DDX60L: variants seen among roughly 807,000 people sequenced by gnomAD.
DDX60L encodes DExD/H-box 60 like.
Under a neutral mutation model 211.6 loss-of-function variants are expected in DDX60L, and 191 were observed. The ratio of observed to expected loss-of-function variants is 0.90; its 90% CI spans 0.80 to 1.02. DDX60L has a LOEUF of 1.02. Among genes scored for constraint, DDX60L ranks in the 50% least tolerant of loss-of-function variants. DDX60L has a pLI of 0.00. For missense variants in DDX60L, 2,007 were observed against 1,984.1 expected, an observed-to-expected ratio of 1.01 and a Z score of -0.22; for synonymous variants, 706 against 694.1, an observed-to-expected ratio of 1.02 and a Z score of -0.27.
chr4:168,375,265 G>T, intron 34 of DDX60L, 112 bp downstream of exon 34: 1 of 1,139,844 alleles, frequency 8.8e-7, no homozygotes, highest in Non-Finnish European at 1.3e-6. Context: ...TAGTACAGCT[G>T]CCCTGTAATA....
At chr4:168,460,984 AG>A (rs1757248960) in intron 5 of DDX60L, among the ~76,000 whole-genome samples, 2 of 152,218 alleles carry the variant, frequency 1.3e-5, no homozygotes, top group South Asian at 4.1e-4. Flanking sequence ...GTATGAGAAG[AG>A]GGGCAGATGG....
chr4:168,356,902 T>C lies in DDX60L; in HGVS notation c.*1245A>G, dbSNP rs375802906. The C allele has an allele frequency of 6.6e-5, 10 of 152,362 alleles. 1 individual carries two copies. Among genetic ancestry groups the C allele is most frequent in the African/African-American group, 2.2e-4 (9 of 41,596 alleles). 9.4% of individuals were successfully genotyped at this position (152,362 alleles called of 1,614,324 possible). A position where few individuals can be genotyped will look rare whatever the true frequency, so the allele number is the denominator to read the frequency against. ...GAGGTTTTCTGGTTGAAACTTTCAA[T>C]AGCTTTAAGAATTATATTCTCTAAT... On this transcript the variant is annotated 3_prime_UTR_variant, in exon 38 of 38. Transcript: ENST00000682922.
chr4:168,363,541 A>C (rs1383370815), intron 36 of DDX60L, among the ~76,000 whole-genome samples: 1 of 152,240 alleles, frequency 6.6e-6, no homozygotes, highest in Admixed American at 6.5e-5. Flanking sequence ...AAAGATGTAA[A>C]TTAAGTCAAC....
chr4:168,420,906 T>C (rs1561035502), intron 17 of DDX60L, among the ~76,000 whole-genome samples: 1 of 152,176 alleles, frequency 6.6e-6, no homozygotes, highest in Non-Finnish European at 1.5e-5. Flanking sequence ...TGTGGCCTTC[T>C]CTTAAAATTT....
intron 25 of DDX60L, among the ~76,000 whole-genome samples, 152 bp downstream of exon 25, chr4:168,403,830 A>G (rs1025893721): frequency 2.6e-5 from 4 of 152,146 alleles, no homozygotes; most frequent in African/African-American, 9.6e-5. Context: ...ATTTCTTTAA[A>G]AATAAAATCT....
chr4:168,409,307 A>T (rs11730529), intron 22 of DDX60L, among the ~76,000 whole-genome samples: 102 of 152,312 alleles, frequency 6.7e-4, no homozygotes, highest in Non-Finnish European at 6.0e-4. Flanking sequence ...AGCTACTGAG[A>T]ATAGACGAAG....
At chr4:168,385,374 G>A (rs1046365701) in intron 29 of DDX60L, among the ~76,000 whole-genome samples, 2 of 152,100 alleles carry the variant, frequency 1.3e-5, no homozygotes, top group Admixed American at 6.5e-5. Flanking sequence ...TGGAAGCTCC[G>A]TGCCCCTTGA....
rs10029536 is a variant in DDX60L, at chr4:168,448,711, A to T, written c.1065T>A (p.Asn355Lys). The T allele has an allele frequency of 0.037, 59,362 of 1,604,416 alleles. 2,987 individuals carry two copies. The highest frequency in any genetic ancestry group is 0.24 in the African/African-American group (17,552 of 74,640). Residue 355 changes from asparagine (N) to lysine (K), a missense_variant, in exon 9 of 38, where the codon AAT (asparagine) becomes AAA (lysine). By Grantham distance (94) the Asn-to-Lys change is moderately conservative. Transcript: ENST00000682922. Reference protein sequence around the residue: ...NVFGCWNLNLNHVSDLYDEQL... With the variant: ...NVFGCWNLNLKHVSDLYDEQL... Reference sequence around the variant, plus strand: ...GCTCATCATACAAGTCAGAAACATGATTTAAATTCAGATTCCAGCATCCAA... The same window carrying T: ...GCTCATCATACAAGTCAGAAACATGTTTTAAATTCAGATTCCAGCATCCAA...
At chr4:168,450,299 C>A (rs181536668) in intron 8 of DDX60L, among the ~76,000 whole-genome samples, 2 of 152,262 alleles carry the variant, frequency 1.3e-5, no homozygotes, top group Admixed American at 6.5e-5. Context: ...CATCCAGGAA[C>A]TGACTCAGTG....
intron 4 of DDX60L, chr4:168,471,410 G>A (rs1419015044): frequency 2.9e-5 from 5 of 173,614 alleles, no homozygotes; most frequent in Non-Finnish European, 6.0e-5. Context: ...TAAAGAATGG[G>A]CTTGCTGGTG....
chr4:168,480,032 C>T (rs1561160291), intron 1 of DDX60L, among the ~76,000 whole-genome samples: 1 of 150,652 alleles, frequency 6.6e-6, no homozygotes, highest in African/African-American at 2.4e-5. Context: ...AAAAGGGAAG[C>T]GGCTTGCTGC....
intron 37 of DDX60L, 90 bp downstream of exon 37, chr4:168,361,059 G>A (rs1739027553): frequency 1.0e-6 from 1 of 983,530 alleles, no homozygotes; most frequent in Non-Finnish European, 1.6e-6. Flanking sequence ...GCTCCTTCAT[G>A]AGAATCACAA....
chr4:168,376,741 C>G (rs978465930), intron 33 of DDX60L, among the ~76,000 whole-genome samples: 3 of 152,218 alleles, frequency 2.0e-5, no homozygotes, highest in African/African-American at 7.2e-5. Flanking sequence ...TTACCATGTA[C>G]ACCTTGTGTT....
At chr4:168,374,972 C>T (rs11727671) in intron 34 of DDX60L, among the ~76,000 whole-genome samples, 6,106 of 152,260 alleles carry the variant, frequency 0.04, 166 homozygotes, top group Non-Finnish European at 0.061. Context: ...ATTCTGCTGC[C>T]AGTGTTCACA....
In DDX60L at chr4:168,396,075, A is replaced by G. The variant is rs760729772; in HGVS notation, c.3541T>C (p.Tyr1181His). The G allele has an allele frequency of 6.3e-6, 10 of 1,586,582 alleles. No homozygotes were observed. In the Admixed American group the frequency reaches 1.6e-4, roughly 26 times the overall value. ...AGGAAATTAATATATTCAGCTCTAT[A>G]CACTTTTTTTCTTTCCAGTTTTTCA... ...KAEKLERKKV[Y>H]RAEYINFLEN... is the part of the protein sequence containing the mutation. The change falls in exon 27 of 38, where the codon TAT (tyrosine) becomes CAT (histidine). Residue 1181 changes from tyrosine (Y) to histidine (H), a missense_variant. Transcript: ENST00000682922.
At chr4:168,373,895 T>TG in intron 34 of DDX60L, 87 bp from the exon 35 acceptor site, 2 of 1,328,270 alleles carry the variant, frequency 1.5e-6, no homozygotes, top group South Asian at 1.4e-5. Context: ...CAAGCCACAG[T>TG]AGGTGACATT....
At chr4:168,443,112 G>A (rs2150008615) in intron 9 of DDX60L, among the ~76,000 whole-genome samples, 1 of 151,558 alleles carries the variant, frequency 6.6e-6, no homozygotes, top group South Asian at 2.1e-4. Context: ...CAAAGGCAAA[G>A]AAGTTGAAAA....
At chr4:168,395,500 A>AGTACTTTG (rs1579355775) in intron 27 of DDX60L, among the ~76,000 whole-genome samples, 1 of 152,208 alleles carries the variant, frequency 6.6e-6, no homozygotes, top group African/African-American at 2.4e-5. Flanking sequence ...TCTGCAATGG[A>AGTACTTTG]CATAAATTAC....
chr4:168,369,200 C>A (rs939281809), intron 36 of DDX60L, among the ~76,000 whole-genome samples: 6 of 152,092 alleles, frequency 3.9e-5, no homozygotes, highest in African/African-American at 1.4e-4. Context: ...ATGGGAGGAA[C>A]CCGGTGCGAG....
Sources: gnomAD v4.1 joint callset for allele counts (sites outside exome capture counted in the v4.1 genomes callset) on GRCh38, gnomAD v4.1.1 for gene constraint, MANE v1.5 for transcripts, NCBI Gene and HGNC (gene_info 2026-07-23, HGNC 2026-07-21) for gene names.